The following RB1 variants were observed in gnomAD, a reference collection of about 807,000 sequenced individuals.
RB1 encodes RB transcriptional corepressor 1.
A neutral mutation model predicts 135.4 loss-of-function variants in RB1; 18 were observed. That is an observed-to-expected ratio of 0.13 (90% CI 0.09 to 0.20). RB1 has a LOEUF of 0.20. Among genes scored for constraint, RB1 ranks in the 10% least tolerant of loss-of-function variants. RB1 has a pLI of 1.00. For synonymous variants in RB1, 365 were observed against 373.2 expected (o/e 0.98, Z 0.25); for missense variants, 868 against 1,110.0 (o/e 0.78, Z 3.10).
chr13:48,305,038 G>C (rs558528024), intron 1 of RB1, among the ~76,000 whole-genome samples: 7 of 152,224 alleles, frequency 4.6e-5, no homozygotes, highest in East Asian at 3.9e-4. Flanking sequence ...TACTTTTCTT[G>C]ATTTTTCTAC....
chr13:48,408,514 CT>C (rs575436081), intron 17 of RB1: 3 of 152,022 alleles, frequency 2.0e-5, no homozygotes, highest in Admixed American at 6.6e-5. Context: ...GGGCTTAGTG[CT>C]ATCATTTTCA....
rs1346693507 is a variant in RB1, at chr13:48,376,945, A to C, written c.1243A>C (p.Ile415Leu). ...CTGCACAGTGAATCCAAAAGAAAGT[A>C]TACTGAAAAGAGTGAAGGATATAGG... ...NNCTVNPKES[I>L]LKRVKDIGYI... Residue 415 changes from isoleucine (I) to leucine (L), a missense_variant, in exon 13 of 27, where the codon ATA becomes CTA. Around this residue, in one of 3 missense-constraint regions of RB1, gnomAD observed 641 missense variants for 791.3 expected, o/e 0.81. Transcript: ENST00000267163. The C allele has an allele frequency of 1.9e-6, 3 of 1,613,680 alleles. No homozygotes were observed. The highest frequency in any genetic ancestry group is 2.7e-5 in the African/African-American group (2 of 74,918).
At chr13:48,424,645 T>C (rs1949054093) in intron 17 of RB1, among the ~76,000 whole-genome samples, 1 of 152,240 alleles carries the variant, frequency 6.6e-6, no homozygotes, top group Non-Finnish European at 1.5e-5. Context: ...TCTCCAACTC[T>C]TAGAATCATA....
intron 2 of RB1, chr13:48,317,070 C>T: frequency 1.3e-6 from 1 of 786,412 alleles, no homozygotes; most frequent in Non-Finnish European, 1.8e-6. Flanking sequence ...TGCCTTGCTG[C>T]TTGGCCAGGG....
At chr13:48,443,928 T>C (rs780480186) in intron 17 of RB1, among the ~76,000 whole-genome samples, 1 of 152,194 alleles carries the variant, frequency 6.6e-6, no homozygotes, top group African/African-American at 2.4e-5. Context: ...AACCATGTTT[T>C]TCTTCTGCTC....
At chr13:48,387,974 G>A (rs1948583339) in intron 17 of RB1, among the ~76,000 whole-genome samples, 1 of 151,982 alleles carries the variant, frequency 6.6e-6, no homozygotes, top group Non-Finnish European at 1.5e-5. Flanking sequence ...GCTTTCCTCT[G>A]CCTTTTTCTT....
chr13:48,432,009 G>A (rs375670741), intron 17 of RB1, among the ~76,000 whole-genome samples: 11 of 152,184 alleles, frequency 7.2e-5, no homozygotes, highest in African/African-American at 2.6e-4. Context: ...TTTATTTGGA[G>A]AAGACAATCA....
At chr13:48,363,204 G>GGT (rs1566192699) in intron 8 of RB1, among the ~76,000 whole-genome samples, 2 of 141,750 alleles carry the variant, frequency 1.4e-5, no homozygotes, top group African/African-American at 2.7e-5. Flanking sequence ...TTCAAATGTA[G>GGT]TTTTTTTTTT....
chr13:48,437,567 A>C (rs975904662), intron 17 of RB1, among the ~76,000 whole-genome samples: 2 of 152,156 alleles, frequency 1.3e-5, no homozygotes, highest in Non-Finnish European at 2.9e-5. Context: ...GGGATTGGAG[A>C]GTCTACTTCC....
chr13:48,457,746 T>A (rs1780602239), intron 19 of RB1, among the ~76,000 whole-genome samples: 1 of 152,202 alleles, frequency 6.6e-6, no homozygotes, highest in Non-Finnish European at 1.5e-5. Flanking sequence ...GGGGCTGGCG[T>A]GTCAGCGCTG....
In RB1 at chr13:48,439,952, TTAGA is replaced by T. The variant is rs542347060; in HGVS notation, c.1696-13034_1696-13031del. 266 of 152,220 alleles carry T rather than the reference TTAGA, an allele frequency of 1.7e-3. 2 individuals are homozygous for T. Among genetic ancestry groups the T allele is most frequent in the African/African-American group, 6.0e-3 (249 of 41,548 alleles). 9.4% of individuals were successfully genotyped at this position (152,220 alleles called of 1,614,324 possible). On this transcript the variant is annotated intron_variant, in intron 17 of 26. Transcript: ENST00000267163. ...CTTCTTAAGGAGGTGGTGGAGGAGA[TTAGA>T]TAGATACATGCATACATATATACAT...
chr13:48,406,375 TA>T (rs1378430162), intron 17 of RB1, among the ~76,000 whole-genome samples: 4 of 152,162 alleles, frequency 2.6e-5, no homozygotes, highest in Non-Finnish European at 4.4e-5. Flanking sequence ...CACCATCATT[TA>T]AAAAAGAATT....
intron 2 of RB1, among the ~76,000 whole-genome samples, chr13:48,308,012 A>G (rs1952099067): frequency 6.6e-6 from 1 of 151,848 alleles, no homozygotes; most frequent in South Asian, 2.1e-4. Flanking sequence ...ATACCTTCTA[A>G]TATGCAATCA....
At chr13:48,403,179 G>A (rs1345848031) in intron 17 of RB1, among the ~76,000 whole-genome samples, 1 of 152,094 alleles carries the variant, frequency 6.6e-6, no homozygotes, top group African/African-American at 2.4e-5. Context: ...CAGTCAAAGG[G>A]CTTAAGTAGT....
chr13:48,329,013 T>C lies in RB1; in HGVS notation c.265-13586T>C, dbSNP rs564986027. ...TTCCTTATTTATGTACATTATAATT[T>C]TAAAGGCCTGATAGTCATAATTATT... On this transcript the variant is annotated intron_variant, in intron 2 of 26. Transcript: ENST00000267163. 2.0e-5 allele frequency among the ~76,000 whole-genome samples: 3 copies of C among 152,284 alleles called. No individual in the cohort carries two copies. The East Asian group carries it at 5.8e-4, about 29-fold the overall frequency.
At chr13:48,318,977 C>G (rs368288103) in intron 2 of RB1, 7 of 786,838 alleles carry the variant, frequency 8.9e-6, no homozygotes, top group Admixed American at 3.5e-5. Flanking sequence ...AGAAAGGGAC[C>G]TGTTGCTGCC....
intron 2 of RB1, among the ~76,000 whole-genome samples, chr13:48,323,759 A>G (rs535331911): frequency 1.3e-5 from 2 of 152,240 alleles, no homozygotes; most frequent in African/African-American, 4.8e-5. Flanking sequence ...ATGAGGAACC[A>G]TGGAAGAAAT....
At chr13:48,441,073 A>G (rs927572656) in intron 17 of RB1, among the ~76,000 whole-genome samples, 2 of 152,206 alleles carry the variant, frequency 1.3e-5, no homozygotes, top group Non-Finnish European at 2.9e-5. Context: ...TTAACAAAAT[A>G]CCATAGATTT....
intron 17 of RB1, among the ~76,000 whole-genome samples, chr13:48,393,050 A>G (rs1461039313): frequency 6.6e-6 from 1 of 152,100 alleles, no homozygotes; most frequent in African/African-American, 2.4e-5. Context: ...TGAGTACTCT[A>G]CTGAATATCC....
Sources: gnomAD v4.1 joint callset for allele counts (sites outside exome capture counted in the v4.1 genomes callset) on GRCh38, gnomAD v4.1.1 for gene constraint, gnomAD v4.1.1 regional missense constraint, MANE v1.5 for transcripts, NCBI Gene and HGNC (gene_info 2026-07-23, HGNC 2026-07-21) for gene names.